Variants in PGCKA1 observed in about 807,000 individuals in gnomAD.
PGCKA1 encodes the protein PDCD10 and GCKIII kinases associated 1, also known as PDCD10 and GCKIII kinases-associated protein 1.
chr4:37,533,014 T>A, the PGCKA1 span, among the ~76,000 whole-genome samples: 7 of 152,174 alleles, frequency 4.6e-5, no homozygotes, highest in African/African-American at 7.2e-5. Context: ...TGGTGCAGTG[T>A]GTACTGCTTT....
At chr4:37,504,523 T>C in the PGCKA1 span, among the ~76,000 whole-genome samples, 1 of 152,212 alleles carries the variant, frequency 6.6e-6, no homozygotes, top group East Asian at 1.9e-4. Flanking sequence ...TTGGGTAGTA[T>C]GGACATTTTA....
chr4:37,513,671 T>C, the PGCKA1 span, among the ~76,000 whole-genome samples: 78,126 of 152,096 alleles, frequency 0.51, 20,441 homozygotes, highest in African/African-American at 0.6. Context: ...ACATTCAGTC[T>C]ATAACAAAAG....
the PGCKA1 span, among the ~76,000 whole-genome samples, chr4:37,510,223 T>C: frequency 2.0e-5 from 3 of 152,126 alleles, no homozygotes; most frequent in Admixed American, 6.5e-5. Flanking sequence ...TCGTTCCTTA[T>C]CTAGTTTGGT....
chr4:37,539,477 CA>C, the PGCKA1 span, among the ~76,000 whole-genome samples: 3 of 152,076 alleles, frequency 2.0e-5, no homozygotes, highest in Non-Finnish European at 4.4e-5. Flanking sequence ...GCCAACATGG[CA>C]AAACCCCGTC....
the PGCKA1 span, among the ~76,000 whole-genome samples, chr4:37,512,020 A>G: frequency 2.6e-5 from 4 of 152,294 alleles, no homozygotes; most frequent in South Asian, 2.1e-4. Flanking sequence ...GACAGGAGTG[A>G]GTTCAGTGCA....
chr4:37,583,251 TC>T, the PGCKA1 span, among the ~76,000 whole-genome samples: 2 of 152,170 alleles, frequency 1.3e-5, no homozygotes, highest in African/African-American at 4.8e-5. Context: ...TTGAGTCTTT[TC>T]CTATATGCCC....
At chr4:37,522,162 G>C in the PGCKA1 span, among the ~76,000 whole-genome samples, 2 of 152,164 alleles carry the variant, frequency 1.3e-5, no homozygotes, top group Admixed American at 6.5e-5. Flanking sequence ...CTTTTGTTCA[G>C]GGCAGCAAGG....
At chr4:37,553,609 A>C in the PGCKA1 span, among the ~76,000 whole-genome samples, 3 of 152,344 alleles carry the variant, frequency 2.0e-5, no homozygotes, top group Admixed American at 2.0e-4. Context: ...TAATGCTGCC[A>C]ATGTAACCAT....
the PGCKA1 span, among the ~76,000 whole-genome samples, chr4:37,583,540 CAT>C: frequency 6.6e-6 from 1 of 152,020 alleles, no homozygotes; most frequent in Non-Finnish European, 1.5e-5. Context: ...AGGTTCACGC[CAT>C]TCTCCTGCCT....
chr4:37,525,473 C>CT, the PGCKA1 span, among the ~76,000 whole-genome samples: 2 of 149,476 alleles, frequency 1.3e-5, no homozygotes, highest in African/African-American at 5.0e-5. Flanking sequence ...AAGTTTCAGA[C>CT]TAAATTCTCC....
At chr4:37,563,351 C>T in the PGCKA1 span, among the ~76,000 whole-genome samples, 3 of 152,186 alleles carry the variant, frequency 2.0e-5, no homozygotes, top group African/African-American at 7.2e-5. Context: ...CAGATGCCGC[C>T]TTCTCACTGT....
At chr4:37,470,176 CA>C in the PGCKA1 span, among the ~76,000 whole-genome samples, 1 of 152,186 alleles carries the variant, frequency 6.6e-6, no homozygotes, top group Non-Finnish European at 1.5e-5. Flanking sequence ...CTACAACCAA[CA>C]GATTAGTACT....
chr4:37,520,466 C>T, the PGCKA1 span, among the ~76,000 whole-genome samples: 91 of 152,184 alleles, frequency 6.0e-4, no homozygotes, highest in African/African-American at 2.0e-3. Flanking sequence ...TTTTGGATTT[C>T]TTCATGGTTC....
chr4:37,542,592 T>C, the PGCKA1 span, among the ~76,000 whole-genome samples: 21 of 152,334 alleles, frequency 1.4e-4, 1 homozygote, highest in South Asian at 3.7e-3. Flanking sequence ...ATGTCCATAC[T>C]GTACAATACA....
At chr4:37,527,967 GTAGTACGCTC>G in the PGCKA1 span, among the ~76,000 whole-genome samples, 2 of 152,162 alleles carry the variant, frequency 1.3e-5, no homozygotes, top group African/African-American at 4.8e-5. Flanking sequence ...CTAGATTTGG[GTAGTACGCTC>G]TGTGATGTTC....
the PGCKA1 span, chr4:37,584,263 C>G: frequency 6.6e-6 from 1 of 152,272 alleles, no homozygotes; most frequent in African/African-American, 2.4e-5. Context: ...GCCTGTCCGT[C>G]TGATCTAGAG....
At chr4:37,541,833 A>G in the PGCKA1 span, among the ~76,000 whole-genome samples, 1 of 152,184 alleles carries the variant, frequency 6.6e-6, no homozygotes. Context: ...CGAAAAAGAC[A>G]TCTAGAGCCA....
At chr4:37,572,646 T>A in the PGCKA1 span, among the ~76,000 whole-genome samples, 1 of 152,224 alleles carries the variant, frequency 6.6e-6, no homozygotes, top group Non-Finnish European at 1.5e-5. Flanking sequence ...TGGATTTTTT[T>A]AAAATTTTGG....
At chr4:37,559,761 G>A in the PGCKA1 span, among the ~76,000 whole-genome samples, 13 of 151,880 alleles carry the variant, frequency 8.6e-5, no homozygotes, top group African/African-American at 1.2e-4. Flanking sequence ...ATTTCTCTCT[G>A]AGTCTCCTTC....
Sources: gnomAD v4.1 joint callset for allele counts (sites outside exome capture counted in the v4.1 genomes callset) on GRCh38, gnomAD v4.1.1 for gene constraint, MANE v1.5 for transcripts, NCBI Gene and HGNC (gene_info 2026-07-23, HGNC 2026-07-21) for gene names.